PHKB: variants seen among roughly 807,000 people sequenced by gnomAD.
PHKB encodes phosphorylase b kinase regulatory subunit beta.
In PHKB, 122 loss-of-function variants were observed where a neutral mutation model predicts 152.1. That is an observed-to-expected ratio of 0.80 (90% CI 0.69 to 0.93). The LOEUF (loss-of-function observed/expected upper bound fraction) is 0.93, where lower values mean the gene tolerates loss of function less well. Among genes scored for constraint, PHKB ranks in the 40% least tolerant of loss-of-function variants. The pLI is 0.00. For synonymous variants in PHKB, 436 were observed against 464.9 expected (o/e 0.94, Z 0.80); for missense variants, 1,304 against 1,328.4 (o/e 0.98, Z 0.29).
At position 47,649,394 on chromosome 16, in the gene PHKB, C is replaced by T. The variant is rs9931999; in HGVS notation, c.1797+190C>T. The stretch of plus-strand genomic sequence containing the variant: ...GCAGCATTGGCATAATAGATGACCT[C>T]GTCTTATATACAGTTGTATGACTGC... On this transcript the variant is annotated intron_variant, in intron 18 of 30. Transcript: ENST00000323584. 4.2e-3 allele frequency among the ~76,000 whole-genome samples: 633 copies of T among 152,108 alleles called. 5 individuals are homozygous for T. The highest frequency in any genetic ancestry group is 0.015 in the African/African-American group (603 of 41,474).
At chr16:47,588,173 G>A (rs1245019442) in intron 9 of PHKB, among the ~76,000 whole-genome samples, 3 of 151,172 alleles carry the variant, frequency 2.0e-5, no homozygotes, top group Admixed American at 2.0e-4. Flanking sequence ...ATCAACTTCT[G>A]TATGCTTATC....
At chr16:47,490,076 C>T (rs1485611775) in intron 1 of PHKB, among the ~76,000 whole-genome samples, 1 of 152,110 alleles carries the variant, frequency 6.6e-6, no homozygotes, top group Non-Finnish European at 1.5e-5. Context: ...ATATTTCAAG[C>T]AGAAGTCAAA....
At chr16:47,666,590 A>G (rs1019445401) in intron 25 of PHKB, among the ~76,000 whole-genome samples, 8 of 152,172 alleles carry the variant, frequency 5.3e-5, no homozygotes, top group Admixed American at 3.9e-4. Flanking sequence ...GATTCTCACA[A>G]TAGGTCTGTG....
intron 6 of PHKB, among the ~76,000 whole-genome samples, chr16:47,528,799 C>T (rs1012404742): frequency 1.3e-5 from 2 of 150,918 alleles, no homozygotes; most frequent in African/African-American, 2.4e-5. Context: ...CAGATTCAAG[C>T]GATTCTTCTG....
At chr16:47,546,961 A>C (rs1181747290) in intron 6 of PHKB, among the ~76,000 whole-genome samples, 1 of 152,024 alleles carries the variant, frequency 6.6e-6, no homozygotes, top group African/African-American at 2.4e-5. Context: ...ACCAGTGGAA[A>C]AGCACAGTAT....
In PHKB at chr16:47,490,625, T is replaced by C. The variant is rs565572959; in HGVS notation, c.77-6774T>C. 3.3e-5 allele frequency among the ~76,000 whole-genome samples: 5 copies of C among 152,342 alleles called. No individual in the cohort carries two copies. The South Asian group carries it at 1.0e-3, about 32-fold the overall frequency. ...GGAAAGGCAATTATGAGGCTCAAGTTTGATTTTGGGAAGCCTGTTAAATAT... is the reference window on the plus strand; with the variant it reads ...GGAAAGGCAATTATGAGGCTCAAGTCTGATTTTGGGAAGCCTGTTAAATAT... On this transcript the variant is annotated intron_variant, in intron 1 of 30. Coordinates refer to ENST00000323584, the MANE Select transcript of PHKB (RefSeq NM_000293.3).
At chr16:47,494,416 T>C (rs547732267) in intron 1 of PHKB, among the ~76,000 whole-genome samples, 1 of 152,332 alleles carries the variant, frequency 6.6e-6, no homozygotes, top group South Asian at 2.1e-4. Context: ...TATTGTTCTT[T>C]GTATCACAAA....
chr16:47,682,035 G>A (rs915574498), intron 26 of PHKB, among the ~76,000 whole-genome samples: 1 of 152,134 alleles, frequency 6.6e-6, no homozygotes, highest in South Asian at 2.1e-4. Context: ...GCTTAGTTTG[G>A]CTGGATATTA....
intron 12 of PHKB, among the ~76,000 whole-genome samples, chr16:47,596,118 G>C (rs1232283368): frequency 6.6e-6 from 1 of 151,658 alleles, no homozygotes; most frequent in Non-Finnish European, 1.5e-5. Flanking sequence ...TCTCATAGTA[G>C]TGAATAAGTC....
Position 47,589,767 on chromosome 16 carries a change from T to C in PHKB, c.1068+665T>C, listed in dbSNP as rs546608863. 5.9e-5 allele frequency among the ~76,000 whole-genome samples: 9 copies of C among 152,302 alleles called. No homozygotes were observed. In the South Asian group the frequency reaches 1.9e-3, roughly 32 times the overall value. The stretch of plus-strand genomic sequence containing the variant: ...GAAGACTTTGCTTTAATGTAGTGTA[T>C]TGAAAGGTATTTTGGTTTTTTGTTT... On this transcript the variant is annotated intron_variant, in intron 10 of 30. Coordinates refer to ENST00000323584, the MANE Select transcript of PHKB (RefSeq NM_000293.3).
rs1364808094 is a variant in PHKB at position 47,497,397 on chromosome 16, A to G, written c.77-2A>G. On this transcript the variant is annotated splice_acceptor_variant, in intron 1 of 30. Coordinates refer to ENST00000323584, the MANE Select transcript of PHKB (RefSeq NM_000293.3). LOFTEE classifies it high-confidence loss of function. ...TTGATGGGTTTTTATTTTTTCTTTT[A>G]GGCTCAGTTTATGAACCTCTTAAAA... The G allele has an allele frequency of 6.3e-7, 1 of 1,577,604 alleles. No individual in the cohort carries two copies. The highest frequency in any genetic ancestry group is 1.7e-5 in the Admixed American group (1 of 59,898).
At chr16:47,499,489 A>C (rs1455271507) in intron 2 of PHKB, among the ~76,000 whole-genome samples, 1 of 152,186 alleles carries the variant, frequency 6.6e-6, no homozygotes, top group Non-Finnish European at 1.5e-5. Context: ...ACACATTGAC[A>C]TTACTGGAGA....
At chr16:47,464,062 C>A in intron 1 of PHKB, 1 of 980,764 alleles carries the variant, frequency 1.0e-6, no homozygotes, top group Non-Finnish European at 1.7e-6. Context: ...AGGTTGATTT[C>A]ACTATAAGAT....
chr16:47,547,396 T>G, intron 6 of PHKB, 37 bp from the exon 7 acceptor site: 18 of 1,295,388 alleles, frequency 1.4e-5, no homozygotes, highest in Non-Finnish European at 2.0e-5. Flanking sequence ...GTCCTGTTAT[T>G]GAGTATGTCC....
At chr16:47,482,910 G>A (rs1002564779) in intron 1 of PHKB, among the ~76,000 whole-genome samples, 3 of 151,648 alleles carry the variant, frequency 2.0e-5, no homozygotes, top group Admixed American at 6.6e-5. Context: ...TAGGAGAGAT[G>A]GGGTTTTGCC....
At chr16:47,650,275 G>A (rs888856263) in intron 18 of PHKB, among the ~76,000 whole-genome samples, 1 of 151,974 alleles carries the variant, frequency 6.6e-6, no homozygotes, top group African/African-American at 2.4e-5. Context: ...AAAAAAAGAG[G>A]GGGAAAACAC....
chr16:47,501,578 G>A (rs932737660), intron 3 of PHKB, among the ~76,000 whole-genome samples: 10 of 152,168 alleles, frequency 6.6e-5, no homozygotes, highest in African/African-American at 2.2e-4. Flanking sequence ...GTGTGTAGGA[G>A]TGAAGGGTCA....
chr16:47,665,662 G>C (rs1421492037), intron 25 of PHKB: 1 of 504,234 alleles, frequency 2.0e-6, no homozygotes, highest in Admixed American at 3.2e-5. Flanking sequence ...ATAATAATTA[G>C]GTTTTCTTTT....
At chr16:47,626,536 G>A (rs1972713217) in intron 14 of PHKB, among the ~76,000 whole-genome samples, 1 of 152,158 alleles carries the variant, frequency 6.6e-6, no homozygotes, top group African/African-American at 2.4e-5. Context: ...ACTCCTAAGT[G>A]GAATGCTGCA....
Sources: allele counts gnomAD v4.1 joint callset (sites outside exome capture counted in the v4.1 genomes callset), GRCh38; gene constraint gnomAD v4.1.1; transcripts MANE v1.5; gene names NCBI Gene and HGNC (gene_info 2026-07-23, HGNC 2026-07-21).